Variants in ULK4 observed in about 807,000 individuals in gnomAD.
ULK4 encodes the protein inactive serine/threonine-protein kinase ULK4.
A neutral mutation model predicts 160.6 loss-of-function variants in ULK4; 133 were observed. The ratio of observed to expected loss-of-function variants is 0.83; its 90% CI spans 0.72 to 0.96. ULK4 has a LOEUF of 0.96. Ranked by LOEUF, ULK4 falls within the 40% of genes least tolerant of loss-of-function variation. The pLI, the probability that ULK4 is intolerant of heterozygous loss-of-function variation, is 0.00. For synonymous variants in ULK4, 534 were observed against 539.8 expected (o/e 0.99, Z 0.15); for missense variants, 1,580 against 1,499.5 (o/e 1.05, Z -0.89).
intron 22 of ULK4, among the ~76,000 whole-genome samples, chr3:41,722,260 C>G (rs555082642): frequency 6.6e-6 from 1 of 152,284 alleles, no homozygotes; most frequent in African/African-American, 2.4e-5. Context: ...ATCCCACTCT[C>G]TGAATCATGA....
At chr3:41,735,465 G>A (rs191809900) in intron 22 of ULK4, among the ~76,000 whole-genome samples, 15 of 152,038 alleles carry the variant, frequency 9.9e-5, no homozygotes, top group African/African-American at 3.6e-4. Flanking sequence ...GAGTTCTACC[G>A]AGCTCTATGT....
chr3:41,825,857 T>A (rs910277779), intron 18 of ULK4, among the ~76,000 whole-genome samples: 2 of 152,054 alleles, frequency 1.3e-5, no homozygotes, highest in Non-Finnish European at 2.9e-5. Context: ...CACATAATTG[T>A]CAGATTCATG....
At chr3:41,658,105 G>T (rs1330313922) in intron 30 of ULK4, among the ~76,000 whole-genome samples, 1 of 152,136 alleles carries the variant, frequency 6.6e-6, no homozygotes, top group Non-Finnish European at 1.5e-5. Context: ...TCACATAAGG[G>T]AATGGCAAAG....
chr3:41,955,133 T>C (rs1700438800), intron 1 of ULK4, among the ~76,000 whole-genome samples: 1 of 152,020 alleles, frequency 6.6e-6, no homozygotes, highest in African/African-American at 2.4e-5. Flanking sequence ...CTACTAAAAA[T>C]ACAAAAATTG....
chr3:41,421,546 G>A (rs190272809), intron 34 of ULK4, among the ~76,000 whole-genome samples: 106 of 152,104 alleles, frequency 7.0e-4, no homozygotes, highest in Middle Eastern at 3.4e-3. Context: ...GTTTTTGTTC[G>A]CCTTCAATTT....
intron 19 of ULK4, among the ~76,000 whole-genome samples, chr3:41,811,408 T>G (rs1383205272): frequency 6.6e-6 from 1 of 152,166 alleles, no homozygotes; most frequent in Non-Finnish European, 1.5e-5. Context: ...TCCTCCTGCC[T>G]TAGCTTCTGA....
intron 35 of ULK4, among the ~76,000 whole-genome samples, chr3:41,326,853 C>G (rs541816595): frequency 5.9e-5 from 9 of 152,324 alleles, no homozygotes; most frequent in African/African-American, 2.2e-4. Flanking sequence ...GCCTAGCAAT[C>G]AGAGGGACCC....
intron 22 of ULK4, among the ~76,000 whole-genome samples, chr3:41,748,783 C>CA (rs1361055832): frequency 3.9e-5 from 6 of 152,116 alleles, no homozygotes; most frequent in Non-Finnish European, 5.9e-5. Flanking sequence ...CTTTCTTAGA[C>CA]AAAAAGGTAT....
intron 19 of ULK4, among the ~76,000 whole-genome samples, chr3:41,812,726 T>A (rs1466536801): frequency 6.6e-6 from 1 of 152,226 alleles, no homozygotes; most frequent in East Asian, 1.9e-4. Context: ...TCTGAAGACT[T>A]ACCCTTCCAT....
intron 18 of ULK4, among the ~76,000 whole-genome samples, chr3:41,825,092 C>G (rs2125637314): frequency 6.6e-6 from 1 of 152,336 alleles, no homozygotes; most frequent in African/African-American, 2.4e-5. Flanking sequence ...AACAGACCTG[C>G]AGCTGAGGGT....
chr3:41,712,936 A>G (rs554350192), intron 25 of ULK4, among the ~76,000 whole-genome samples: 1 of 152,074 alleles, frequency 6.6e-6, no homozygotes, highest in South Asian at 2.1e-4. Context: ...AAAAATCCAC[A>G]ATGCTAAGTA....
At chr3:41,507,117 T>G (rs1173573220) in intron 32 of ULK4, among the ~76,000 whole-genome samples, 1 of 106,242 alleles carries the variant, frequency 9.4e-6, no homozygotes, top group Non-Finnish European at 1.9e-5. Flanking sequence ...GGTAGACAAG[T>G]ACCTTATAGA....
intron 17 of ULK4, among the ~76,000 whole-genome samples, chr3:41,860,451 T>C (rs1415418380): frequency 1.3e-5 from 2 of 152,246 alleles, no homozygotes; most frequent in Non-Finnish European, 2.9e-5. Context: ...CTTGCTGAAC[T>C]GACTCCTTTA....
intron 35 of ULK4, among the ~76,000 whole-genome samples, chr3:41,274,947 C>T (rs982768363): frequency 1.3e-5 from 2 of 152,154 alleles, no homozygotes; most frequent in African/African-American, 4.8e-5. Flanking sequence ...ATGCAGTGCA[C>T]TTTCTACTAA....
intron 17 of ULK4, among the ~76,000 whole-genome samples, chr3:41,872,031 G>GAAC (rs1559621055): frequency 6.6e-6 from 1 of 152,054 alleles, no homozygotes; most frequent in African/African-American, 2.4e-5. Context: ...CGTCTGTCCA[G>GAAC]TCACCTCAAT....
intron 21 of ULK4, among the ~76,000 whole-genome samples, chr3:41,789,065 G>C (rs1184447871): frequency 6.6e-6 from 1 of 152,158 alleles, no homozygotes; most frequent in Non-Finnish European, 1.5e-5. Context: ...CTGGTCCAGG[G>C]ATCACTCTTT....
At chr3:41,705,565 C>T (rs567846271) in intron 25 of ULK4, among the ~76,000 whole-genome samples, 2 of 151,896 alleles carry the variant, frequency 1.3e-5, no homozygotes, top group East Asian at 1.9e-4. Flanking sequence ...GGCCCGATCT[C>T]GGCTCACCAA....
intron 35 of ULK4, among the ~76,000 whole-genome samples, chr3:41,261,545 G>A (rs1443037679): frequency 6.6e-6 from 1 of 152,166 alleles, no homozygotes; most frequent in African/African-American, 2.4e-5. Flanking sequence ...GTAAGCAACT[G>A]ACTAAGCCGT....
At chr3:41,668,323 C>T (rs1033977587) in intron 29 of ULK4, among the ~76,000 whole-genome samples, 1 of 152,142 alleles carries the variant, frequency 6.6e-6, no homozygotes, top group Admixed American at 6.6e-5. Context: ...ATAAAGAATA[C>T]ACGTATACAG....
Sources: allele counts gnomAD v4.1 joint callset (sites outside exome capture counted in the v4.1 genomes callset), GRCh38; gene constraint gnomAD v4.1.1; transcripts MANE v1.5; gene names NCBI Gene and HGNC (gene_info 2026-07-23, HGNC 2026-07-21).